TBXAS1: variants seen among roughly 807,000 people sequenced by gnomAD.
TBXAS1 encodes thromboxane-A synthase.
Under a neutral mutation model 60.7 loss-of-function variants are expected in TBXAS1, and 48 were observed. The observed-to-expected ratio is 0.79, with a 90% CI of 0.63 to 1.01. The LOEUF is 1.01. Among genes scored for constraint, TBXAS1 ranks in the 50% least tolerant of loss-of-function variants. The pLI, the probability that TBXAS1 is intolerant of heterozygous loss-of-function variation, is 0.00. For synonymous variants in TBXAS1, 287 were observed against 269.7 expected (o/e 1.06, Z -0.63); for missense variants, 685 against 686.3 (o/e 1.00, Z 0.02).
At chr7:139,919,229 C>T (rs972537266) in intron 4 of TBXAS1, among the ~76,000 whole-genome samples, 3 of 152,308 alleles carry the variant, frequency 2.0e-5, no homozygotes, top group African/African-American at 4.8e-5. Flanking sequence ...ACAAGTTGCA[C>T]GATGGCTGTC....
At chr7:139,792,392 G>A (rs941507040) in intron 4 of TBXAS1, among the ~76,000 whole-genome samples, 1 of 152,098 alleles carries the variant, frequency 6.6e-6, no homozygotes, top group African/African-American at 2.4e-5. Context: ...TTCACCCATG[G>A]TCGGCTTGGT....
At chr7:139,988,667 T>A (rs1458606579) in intron 9 of TBXAS1, among the ~76,000 whole-genome samples, 1 of 152,074 alleles carries the variant, frequency 6.6e-6, no homozygotes, top group Non-Finnish European at 1.5e-5. Flanking sequence ...AAAGCCTCCT[T>A]TGACCATCAG....
At chr7:139,940,015 T>A (rs541952112) in intron 5 of TBXAS1, among the ~76,000 whole-genome samples, 49 of 152,368 alleles carry the variant, frequency 3.2e-4, no homozygotes, top group Non-Finnish European at 6.8e-4. Flanking sequence ...ATGGCACCAG[T>A]GGGTGCTCCT....
intron 11 of TBXAS1, among the ~76,000 whole-genome samples, chr7:140,016,189 G>T (rs562448613): frequency 2.0e-5 from 3 of 151,918 alleles, no homozygotes; most frequent in African/African-American, 4.8e-5. Flanking sequence ...TTAGCTGGGC[G>T]TGGTGGCGGG....
At chr7:139,993,871 GCTTTTT>G (rs1466136361) in intron 9 of TBXAS1, among the ~76,000 whole-genome samples, 5 of 149,598 alleles carry the variant, frequency 3.3e-5, no homozygotes, top group Non-Finnish European at 5.9e-5. Context: ...GCTTTGCTTT[GCTTTTT>G]CTTTTTCTTT....
chr7:139,962,843 C>T (rs982062635), intron 9 of TBXAS1: 1 of 154,654 alleles, frequency 6.5e-6, no homozygotes, highest in Admixed American at 6.3e-5. Context: ...CTCATTTTTT[C>T]TTCTAGATGC....
intron 1 of TBXAS1, among the ~76,000 whole-genome samples, chr7:139,848,149 T>C (rs1490309007): frequency 6.6e-6 from 1 of 151,836 alleles, no homozygotes; most frequent in Non-Finnish European, 1.5e-5. Flanking sequence ...TTTATTTATT[T>C]ATTTATTTAT....
rs1809953126 is a variant in TBXAS1, at chr7:139,957,444, G to A, written c.689-190G>A. The A allele has an allele frequency of 1.9e-5, 13 of 679,508 alleles. 1 individual carries two copies. The South Asian group carries it at 2.0e-4, about 10-fold the overall frequency. 42.1% of individuals were successfully genotyped at this position (679,508 alleles called of 1,614,324 possible). On this transcript the variant is annotated intron_variant, in intron 7 of 12. Coordinates refer to ENST00000448866, the MANE Select transcript of TBXAS1 (RefSeq NM_001061.7). ...TTATTGAGTGCTTACTATGTGCCAG[G>A]AATGGTGAGGAGTACCGAGAGGGAG...
At chr7:139,806,595 G>T (rs1475255065) in intron 4 of TBXAS1, among the ~76,000 whole-genome samples, 1 of 152,036 alleles carries the variant, frequency 6.6e-6, no homozygotes, top group Non-Finnish European at 1.5e-5. Context: ...GGAGTTTCTA[G>T]GAGCTGGGGA....
intron 4 of TBXAS1, among the ~76,000 whole-genome samples, chr7:139,796,315 A>G (rs1033532731): frequency 1.3e-5 from 2 of 152,204 alleles, no homozygotes; most frequent in Non-Finnish European, 2.9e-5. Context: ...AGTGATAAAA[A>G]TAAGCTATCA....
At chr7:139,813,649 A>G (rs1174901727) in intron 4 of TBXAS1, among the ~76,000 whole-genome samples, 2 of 152,196 alleles carry the variant, frequency 1.3e-5, no homozygotes, top group Non-Finnish European at 2.9e-5. Context: ...TGTAATCATC[A>G]TCAAATCCAC....
chr7:139,940,279 A>G (rs1224313622), intron 5 of TBXAS1, among the ~76,000 whole-genome samples: 1 of 152,142 alleles, frequency 6.6e-6, no homozygotes, highest in Non-Finnish European at 1.5e-5. Context: ...GAAGTGTCCT[A>G]TATTCCTCCC....
intron 4 of TBXAS1, among the ~76,000 whole-genome samples, chr7:139,929,245 G>A (rs1807122856): frequency 6.6e-6 from 1 of 152,220 alleles, no homozygotes; most frequent in East Asian, 1.9e-4. Flanking sequence ...CTTACAGATG[G>A]AGCAATGGTG....
chr7:139,961,005 C>A (rs1237823188), intron 8 of TBXAS1, among the ~76,000 whole-genome samples: 2 of 151,972 alleles, frequency 1.3e-5, no homozygotes, highest in Non-Finnish European at 2.9e-5. Flanking sequence ...TTTGTTAACA[C>A]AGAGGCGATA....
At chr7:139,905,041 TTCTTTC>T in intron 3 of TBXAS1, among the ~76,000 whole-genome samples, 1 of 88,022 alleles carries the variant, frequency 1.1e-5, no homozygotes, top group Non-Finnish European at 2.2e-5. Flanking sequence ...CTTTCTTTCT[TTCTTTC>T]TTTCTTTCTT....
At chr7:139,946,276 G>A (rs1231479942) in intron 5 of TBXAS1, among the ~76,000 whole-genome samples, 1 of 152,200 alleles carries the variant, frequency 6.6e-6, no homozygotes, top group Non-Finnish European at 1.5e-5. Context: ...GGAGGGCAAG[G>A]ATGCAGTGAG....
intron 12 of TBXAS1, among the ~76,000 whole-genome samples, chr7:140,019,375 A>G (rs970028966): frequency 1.3e-5 from 2 of 152,132 alleles, no homozygotes; most frequent in Non-Finnish European, 2.9e-5. Flanking sequence ...CACGATCTCA[A>G]CATACAGTGC....
intron 3 of TBXAS1, among the ~76,000 whole-genome samples, chr7:139,891,176 T>C (rs1432784198): frequency 6.6e-6 from 1 of 152,060 alleles, no homozygotes; most frequent in Non-Finnish European, 1.5e-5. Flanking sequence ...CATCCTTTTA[T>C]GGGACCTCTA....
At chr7:139,841,089 A>T (rs1001144099) in intron 1 of TBXAS1, among the ~76,000 whole-genome samples, 3 of 152,236 alleles carry the variant, frequency 2.0e-5, no homozygotes, top group Admixed American at 6.5e-5. Flanking sequence ...CATCCCCAGC[A>T]GTAGTTCCTA....
Sources: allele counts gnomAD v4.1 joint callset (sites outside exome capture counted in the v4.1 genomes callset), GRCh38; gene constraint gnomAD v4.1.1; transcripts MANE v1.5; gene names NCBI Gene and HGNC (gene_info 2026-07-23, HGNC 2026-07-21).